APCDD1L: variants seen among roughly 807,000 people sequenced by gnomAD.
APCDD1L encodes the protein APC down-regulated 1 like, also known as protein APCDD1-like.
Under a neutral mutation model 24.2 loss-of-function variants are expected in APCDD1L, and 21 were observed. The observed-to-expected ratio is 0.87, with a 90% CI of 0.61 to 1.25. The LOEUF (loss-of-function observed/expected upper bound fraction) is 1.25. APCDD1L is among the 50% of genes most tolerant of loss of function. The pLI, the probability that APCDD1L is intolerant of heterozygous loss-of-function variation, is 0.00. For missense variants in APCDD1L, 704 were observed against 711.7 expected (o/e 0.99, Z 0.12); for synonymous variants, 321 against 323.6 (o/e 0.99, Z 0.09).
intron 1 of APCDD1L, among the ~76,000 whole-genome samples, chr20:58,496,489 C>T (rs1472721881): frequency 1.3e-5 from 2 of 152,244 alleles, no homozygotes; most frequent in African/African-American, 2.4e-5. Context: ...GGAAGCCCAG[C>T]GAGGGGGCTG....
intron 3 of APCDD1L, among the ~76,000 whole-genome samples, chr20:58,463,209 G>C (rs1989645320): frequency 6.6e-6 from 1 of 151,602 alleles, no homozygotes; most frequent in African/African-American, 2.4e-5. Flanking sequence ...GCGCGAAGGA[G>C]ATAGTTGAAA....
At chr20:58,485,167 C>CACAA (rs1214675001) in intron 1 of APCDD1L, among the ~76,000 whole-genome samples, 1 of 151,788 alleles carries the variant, frequency 6.6e-6, no homozygotes, top group Non-Finnish European at 1.5e-5. Flanking sequence ...CACACACACA[C>CACAA]AATTATCAAA....
intron 2 of APCDD1L, among the ~76,000 whole-genome samples, chr20:58,468,563 G>T (rs1989759131): frequency 1.3e-5 from 2 of 152,034 alleles, no homozygotes; most frequent in Admixed American, 6.6e-5. Flanking sequence ...CTCTTGTACT[G>T]CTATTTTCTT....
intron 1 of APCDD1L, among the ~76,000 whole-genome samples, chr20:58,514,143 C>A (rs539863460): frequency 5.3e-5 from 8 of 152,318 alleles, no homozygotes; most frequent in African/African-American, 1.9e-4. Flanking sequence ...CTTTGTCAGG[C>A]CTGCTGGGCA....
rs1990344723 is a variant in APCDD1L at position 58,497,323 on chromosome 20, G to A, written c.49+17336C>T. Among the ~76,000 whole-genome samples, 1 of 152,126 alleles carries A rather than the reference G, an allele frequency of 6.6e-6. No individual in the cohort carries two copies. Among genetic ancestry groups the A allele is most frequent in the Non-Finnish European group, 1.5e-5 (1 of 68,000 alleles). On this transcript the variant is annotated intron_variant, in intron 1 of 3. Coordinates refer to ENST00000371149, the MANE Select transcript of APCDD1L (RefSeq NM_153360.3). This position sits in a 1 kb window ranked among gnomAD's most constrained non-coding sequence, Gnocchi z 4.3. ...GCCCTGGAAAGTGGGTTCTCCCTGGGGGAGTCTCCCTGCCATGGGGAGAGG... is the reference window on the plus strand; with the variant it reads ...GCCCTGGAAAGTGGGTTCTCCCTGGAGGAGTCTCCCTGCCATGGGGAGAGG...
chr20:58,502,910 A>C (rs774322042), intron 1 of APCDD1L, among the ~76,000 whole-genome samples: 4 of 152,194 alleles, frequency 2.6e-5, no homozygotes, highest in Non-Finnish European at 5.9e-5. Context: ...AGGGCTCTAG[A>C]GACTCAGGGG....
chr20:58,462,881 T>A (rs1303116786), intron 3 of APCDD1L, among the ~76,000 whole-genome samples: 1 of 149,938 alleles, frequency 6.7e-6, no homozygotes, highest in East Asian at 2.0e-4. Context: ...CAGTGCCTCA[T>A]GCCTGTAATC....
At chr20:58,462,303 AC>A (rs1989624121) in intron 3 of APCDD1L, among the ~76,000 whole-genome samples, 1 of 152,076 alleles carries the variant, frequency 6.6e-6, no homozygotes, top group Non-Finnish European at 1.5e-5. Context: ...GGGAGCTGAG[AC>A]CCAGAGGGCC....
At position 58,482,446 on chromosome 20, in the gene APCDD1L, G is replaced by A. The variant is rs116964811; in HGVS notation, c.50-11699C>T. On this transcript the variant is annotated intron_variant, in intron 1 of 3. Coordinates refer to ENST00000371149, the MANE Select transcript of APCDD1L (RefSeq NM_153360.3). ...CTTAAGTGTTGCAGACAAGGTACAG[G>A]AAAATGTGTTGGCTTCCTAAATGTT... 4.4e-4 allele frequency among the ~76,000 whole-genome samples: 67 copies of A among 152,296 alleles called. No homozygotes were observed. In the East Asian group the frequency reaches 0.012, roughly 28 times the overall value.
At chr20:58,505,697 A>G (rs1247398276) in intron 1 of APCDD1L, among the ~76,000 whole-genome samples, 3 of 151,902 alleles carry the variant, frequency 2.0e-5, no homozygotes, top group Non-Finnish European at 2.9e-5. Flanking sequence ...GCAACACTGC[A>G]AAATATATGC....
Position 58,493,463 on chromosome 20 carries a change from TAGA to T in APCDD1L, c.49+21193_49+21195del, listed in dbSNP as rs1990262692. ...TAGAGACAAACGAGATGATGGTAGA[TAGA>T]AGAAGAGAAAAATAACTTGCAGCTT... On this transcript the variant is annotated intron_variant, in intron 1 of 3. Coordinates refer to ENST00000371149, the MANE Select transcript of APCDD1L (RefSeq NM_153360.3). 2.0e-5 allele frequency among the ~76,000 whole-genome samples: 3 copies of T among 152,130 alleles called. No individual in the cohort carries two copies. The South Asian group carries it at 6.2e-4, about 31-fold the overall frequency.
Position 58,515,289 on chromosome 20 carries a change from A to C in APCDD1L, c.-582T>G. ...CAACTTGGATCCCAGCAAACCCAGAAGCGCAGTGAAAGTGGCCAACCCGGT... is the reference window on the plus strand; with the variant it reads ...CAACTTGGATCCCAGCAAACCCAGACGCGCAGTGAAAGTGGCCAACCCGGT... On this transcript the variant is annotated 5_prime_UTR_variant, in exon 1 of 4. Transcript: ENST00000371149. 1 of 223,504 alleles carries C rather than the reference A, an allele frequency of 4.5e-6. No individual in the cohort carries two copies. Among genetic ancestry groups the C allele is most frequent in the African/African-American group, 2.3e-5 (1 of 44,350 alleles). The allele number at this position is 223,504 out of a possible 1,614,324, so 13.8% of individuals were successfully genotyped here.
Position 58,467,182 on chromosome 20 carries a change from C to T in APCDD1L, c.665G>A (p.Gly222Glu), listed in dbSNP as rs1221070281. Residue 222 changes from glycine (G) to glutamate (E), a missense_variant, in exon 3 of 4, where the codon GGG (glycine) becomes GAG (glutamate). Gly to Glu is a moderately conservative substitution (Grantham distance 98). Transcript: ENST00000371149. The surrounding 1 kb of genome is among the most constrained non-coding windows in gnomAD (Gnocchi z 5.9). The stretch of plus-strand genomic sequence containing the variant: ...CTCCGCCGGGTCGGTGTGGATGTCC[C>T]CCAGGTACAGCTCCTCCACCAGCCG... ...SPRLVEELYL[G>E]DIHTDPAERR... 2 of 1,606,870 alleles carry T rather than the reference C, an allele frequency of 1.2e-6. No homozygotes were observed. Among genetic ancestry groups the T allele is most frequent in the South Asian group, 1.1e-5 (1 of 91,034 alleles).
chr20:58,495,357 G>A (rs757640858), intron 1 of APCDD1L, among the ~76,000 whole-genome samples: 1 of 152,234 alleles, frequency 6.6e-6, no homozygotes, highest in Non-Finnish European at 1.5e-5. Context: ...GTGCCTGACT[G>A]CATGGATGGT....
At chr20:58,470,416 C>T (rs1013355416) in intron 2 of APCDD1L, among the ~76,000 whole-genome samples, 193 bp downstream of exon 2, 2 of 152,212 alleles carry the variant, frequency 1.3e-5, no homozygotes. Context: ...TGACCATGGA[C>T]GTGATGCCCA....
At chr20:58,472,235 G>A (rs1438298663) in intron 1 of APCDD1L, among the ~76,000 whole-genome samples, 2 of 152,176 alleles carry the variant, frequency 1.3e-5, no homozygotes. Flanking sequence ...TTATGACAAG[G>A]GGGATGACGG....
chr20:58,467,526 C>T lies in APCDD1L; in HGVS notation c.321G>A (p.Lys107=). The T allele has an allele frequency of 6.3e-7, 1 of 1,596,352 alleles. No individual in the cohort carries two copies. Among genetic ancestry groups the T allele is most frequent in the Non-Finnish European group, 8.5e-7 (1 of 1,171,432 alleles). Residue 107 remains lysine, a synonymous_variant, in exon 3 of 4, where the codon AAG becomes AAA. Coordinates refer to ENST00000371149, the MANE Select transcript of APCDD1L (RefSeq NM_153360.3). This position sits in a 1 kb window ranked among gnomAD's most constrained non-coding sequence, Gnocchi z 5.9. ...CGEPAHSLLV[K]GKVRLRRASW... ...AGGCCCGGCGCAGGCGGACTTTGCC[C>T]TTGACGAGCAGCGAGTGGGCAGGTT... is the stretch of plus-strand genomic sequence containing the variant.
chr20:58,485,609 G>C (rs968567810), intron 1 of APCDD1L, among the ~76,000 whole-genome samples: 8 of 152,124 alleles, frequency 5.3e-5, no homozygotes, highest in African/African-American at 1.7e-4. Flanking sequence ...TCATTTTTCA[G>C]ATGAAAAGCT....
At chr20:58,496,373 A>C (rs1990321955) in intron 1 of APCDD1L, among the ~76,000 whole-genome samples, 1 of 152,248 alleles carries the variant, frequency 6.6e-6, no homozygotes, top group South Asian at 2.1e-4. Context: ...GTTGTGGCCC[A>C]ATGAGACAGC....
Sources: gnomAD v4.1 joint callset for allele counts (sites outside exome capture counted in the v4.1 genomes callset) on GRCh38, gnomAD v4.1.1 for gene constraint, Gnocchi (gnomAD v3.1) non-coding constraint, MANE v1.5 for transcripts, NCBI Gene and HGNC (gene_info 2026-07-23, HGNC 2026-07-21) for gene names.